IQCJ: variants seen among roughly 807,000 people sequenced by gnomAD.
The protein encoded by IQCJ is IQ motif containing J.
A neutral mutation model predicts 11.0 loss-of-function variants in IQCJ; 9 were observed. The observed-to-expected ratio is 0.82, with a 90% CI of 0.49 to 1.43. The LOEUF is 1.43. IQCJ is among the 40% of genes most tolerant of loss of function. The pLI is 0.00. For synonymous variants in IQCJ, 55 were observed against 51.3 expected (o/e 1.07, Z -0.31); for missense variants, 146 against 133.2 (o/e 1.10, Z -0.47).
Position 159,196,179 on chromosome 3 carries a change from A to G in IQCJ, c.10-49664A>G, listed in dbSNP as rs570405093. ...GAACCTACGCCTAATTTCAGAGCCC[A>G]TGCTCACAATCAGTACAGTATTTCA... On this transcript the variant is annotated intron_variant, in intron 1 of 3. Transcript: ENST00000397832. Among the ~76,000 whole-genome samples, 33 of 152,340 alleles carry G rather than the reference A, an allele frequency of 2.2e-4. No homozygotes were observed. The South Asian group carries it at 6.4e-3, about 30-fold the overall frequency.
chr3:159,253,497 A>G (rs1284831649), intron 3 of IQCJ, among the ~76,000 whole-genome samples: 1 of 152,160 alleles, frequency 6.6e-6, no homozygotes, highest in African/African-American at 2.4e-5. Flanking sequence ...AATTTCAAAA[A>G]TATTTATGAC....
intron 1 of IQCJ, among the ~76,000 whole-genome samples, chr3:159,110,189 A>T (rs1298150919): frequency 6.6e-6 from 1 of 152,180 alleles, no homozygotes. Context: ...CTTAATAGCT[A>T]TAGGATCTTG....
intron 1 of IQCJ, among the ~76,000 whole-genome samples, chr3:159,116,655 TATATATATATATATAC>T (rs1455171498): frequency 0.035 from 1,281 of 36,244 alleles, 62 homozygotes; most frequent in Non-Finnish European, 0.041. Context: ...TATATATATA[TATATATATATATATAC>T]ACCCTTCATC....
chr3:159,195,241 G>A (rs1470231337), intron 1 of IQCJ, among the ~76,000 whole-genome samples: 1 of 152,168 alleles, frequency 6.6e-6, no homozygotes, highest in Non-Finnish European at 1.5e-5. Context: ...GACTCTGCTG[G>A]TATGTATTGC....
chr3:159,194,507 A>G (rs1316878724), intron 1 of IQCJ, among the ~76,000 whole-genome samples: 2 of 152,194 alleles, frequency 1.3e-5, no homozygotes, highest in South Asian at 2.1e-4. Context: ...AATTAGCCCT[A>G]GATTAGAGAA....
intron 1 of IQCJ, among the ~76,000 whole-genome samples, chr3:159,075,834 A>C (rs904095921): frequency 6.6e-6 from 1 of 152,110 alleles, no homozygotes; most frequent in African/African-American, 2.4e-5. Context: ...GAGAGGCTTG[A>C]TAACCTGTTG....
chr3:159,070,681 A>G (rs567436104), intron 1 of IQCJ, among the ~76,000 whole-genome samples: 1 of 152,268 alleles, frequency 6.6e-6, no homozygotes, highest in South Asian at 2.1e-4. Context: ...AAAATGAGGT[A>G]GCAAGTCAAA....
intron 1 of IQCJ, among the ~76,000 whole-genome samples, chr3:159,225,111 T>A (rs563312352): frequency 6.6e-6 from 1 of 152,350 alleles, no homozygotes; most frequent in East Asian, 1.9e-4. Flanking sequence ...TGATAGCAGC[T>A]TTATTATAAT....
At chr3:159,177,200 T>C (rs1257310906) in intron 1 of IQCJ, among the ~76,000 whole-genome samples, 1 of 152,224 alleles carries the variant, frequency 6.6e-6, no homozygotes, top group Non-Finnish European at 1.5e-5. Context: ...TCAATGGGGA[T>C]CTTTTTGAAT....
chr3:159,254,243 A>G (rs985467124), intron 3 of IQCJ, among the ~76,000 whole-genome samples: 1 of 152,166 alleles, frequency 6.6e-6, no homozygotes, highest in Non-Finnish European at 1.5e-5. Context: ...GCTGAAATTA[A>G]GTTAGAAAAA....
intron 1 of IQCJ, among the ~76,000 whole-genome samples, chr3:159,194,905 G>A (rs1315782223): frequency 1.3e-5 from 2 of 152,104 alleles, no homozygotes; most frequent in African/African-American, 4.8e-5. Context: ...GAGGTTAGGA[G>A]TTTGAGACCA....
intron 1 of IQCJ, among the ~76,000 whole-genome samples, chr3:159,078,743 A>G (rs1716112332): frequency 6.6e-6 from 1 of 152,034 alleles, no homozygotes; most frequent in African/African-American, 2.4e-5. Flanking sequence ...TGGTTAAGGA[A>G]CCTCTAATAA....
At chr3:159,126,947 C>T (rs1559995445) in intron 1 of IQCJ, among the ~76,000 whole-genome samples, 2 of 152,164 alleles carry the variant, frequency 1.3e-5, no homozygotes, top group South Asian at 4.1e-4. Context: ...GTGGGTCAGC[C>T]GGTGGTTGAC....
intron 1 of IQCJ, among the ~76,000 whole-genome samples, chr3:159,241,432 A>T (rs569018074): frequency 6.6e-6 from 1 of 152,154 alleles, no homozygotes; most frequent in South Asian, 2.1e-4. Context: ...AAAATAAAAT[A>T]AAATAAAAAA....
chr3:159,244,800 G>A (rs978008333), intron 1 of IQCJ, among the ~76,000 whole-genome samples: 4 of 152,156 alleles, frequency 2.6e-5, no homozygotes, highest in Non-Finnish European at 5.9e-5. Context: ...TAATCATGTA[G>A]AGGCTAGTCC....
At chr3:159,221,064 G>A (rs1577090457) in intron 1 of IQCJ, among the ~76,000 whole-genome samples, 1 of 152,230 alleles carries the variant, frequency 6.6e-6, no homozygotes, top group East Asian at 1.9e-4. Context: ...GCAGAGATCA[G>A]GTAATTTAGG....
rs374349259 is a variant in IQCJ, at chr3:159,225,841, C to A, written c.10-20002C>A. On this transcript the variant is annotated intron_variant, in intron 1 of 3. Transcript: ENST00000397832. ...CCAACTTCAGATGCCATTCATAAAT[C>A]CCAGGTTGCCATCTATACTTCTGCC... is the stretch of plus-strand genomic sequence containing the variant. Among the ~76,000 whole-genome samples, 101 of 152,292 alleles carry A rather than the reference C, an allele frequency of 6.6e-4. 1 individual carries two copies. In the South Asian group the frequency reaches 0.021, roughly 32 times the overall value.
At chr3:159,082,935 C>T (rs1331565183) in intron 1 of IQCJ, among the ~76,000 whole-genome samples, 2 of 152,130 alleles carry the variant, frequency 1.3e-5, no homozygotes, top group East Asian at 1.9e-4. Flanking sequence ...ACACGAACCT[C>T]GACCACATGC....
rs189086432 is a variant in IQCJ, at chr3:159,088,119, T to G, written c.9+18678T>G. Among the ~76,000 whole-genome samples, 303 of 152,340 alleles carry G rather than the reference T, an allele frequency of 2.0e-3. 7 individuals are homozygous for G. In the East Asian group the frequency reaches 0.051, roughly 25 times the overall value. On this transcript the variant is annotated intron_variant, in intron 1 of 3. Transcript: ENST00000397832. ...GTCCCAGAGATTCTGGTATGTTGTGTCTTTGTTCTCGTTGGTTTCAAAGAA... is the reference window on the plus strand; with the variant it reads ...GTCCCAGAGATTCTGGTATGTTGTGGCTTTGTTCTCGTTGGTTTCAAAGAA...
Sources: allele counts gnomAD v4.1 joint callset (sites outside exome capture counted in the v4.1 genomes callset), GRCh38; gene constraint gnomAD v4.1.1; transcripts MANE v1.5; gene names NCBI Gene and HGNC (gene_info 2026-07-23, HGNC 2026-07-21).